SLC17A1: variants seen among roughly 807,000 people sequenced by gnomAD.
SLC17A1 encodes the protein solute carrier family 17 member 1.
In SLC17A1, 51 loss-of-function variants were observed where a neutral mutation model predicts 53.5. That is an observed-to-expected ratio of 0.95 (90% CI 0.76 to 1.20). The LOEUF (loss-of-function observed/expected upper bound fraction) is 1.20. SLC17A1 is among the 50% of genes most tolerant of loss of function. SLC17A1 has a pLI of 0.00. For missense variants in SLC17A1, 538 were observed against 568.2 expected, an observed-to-expected ratio of 0.95 and a Z score of 0.54; for synonymous variants, 179 against 198.8, an observed-to-expected ratio of 0.90 and a Z score of 0.84.
Position 25,819,061 on chromosome 6 carries a change from G to T in SLC17A1, c.616+7C>A. 6.3e-7 allele frequency: 1 copy of T among 1,577,330 alleles called. No individual in the cohort carries two copies. Among genetic ancestry groups the T allele is most frequent in the Non-Finnish European group, 8.6e-7 (1 of 1,164,124 alleles). ...TAATAACTAGGATTTTACAGAAAGA[G>T]ACTCACCAAAAATATAGAAGACCAT... On this transcript the variant is annotated splice_region_variant and intron_variant, in intron 6 of 12. Coordinates refer to ENST00000244527, the MANE Select transcript of SLC17A1 (RefSeq NM_005074.5).
At chr6:25,777,219 C>G in the SLC17A1 span, 1 of 431,526 alleles carries the variant, frequency 2.3e-6, no homozygotes, top group Non-Finnish European at 4.1e-6. Context: ...ACACAAACCT[C>G]TCTCTGTTGA....
At chr6:25,753,424 A>G in the SLC17A1 span, among the ~76,000 whole-genome samples, 4 of 152,170 alleles carry the variant, frequency 2.6e-5, no homozygotes, top group African/African-American at 9.7e-5. Flanking sequence ...CCAGTAAGTA[A>G]CATGATCATA....
At chr6:25,726,235 A>G in the SLC17A1 span, 2 of 1,613,500 alleles carry the variant, frequency 1.2e-6, no homozygotes, top group East Asian at 2.2e-5. Flanking sequence ...CACGCCGCCC[A>G]AAAGCTTATT....
intron 12 of SLC17A1, among the ~76,000 whole-genome samples, chr6:25,793,268 G>A (rs547369525): frequency 2.6e-5 from 4 of 152,174 alleles, no homozygotes; most frequent in African/African-American, 9.6e-5. Flanking sequence ...CCTAGATTAA[G>A]AATCCCTGCT....
At position 25,803,908 on chromosome 6, in the gene SLC17A1, GA is replaced by G. The variant is rs1053399440; in HGVS notation, c.1179-2929del. 7.2e-5 allele frequency among the ~76,000 whole-genome samples: 11 copies of G among 151,958 alleles called. No individual in the cohort carries two copies. The East Asian group carries it at 1.9e-3, about 27-fold the overall frequency. On this transcript the variant is annotated intron_variant, in intron 10 of 12. Coordinates refer to ENST00000244527, the MANE Select transcript of SLC17A1 (RefSeq NM_005074.5). Reference sequence around the variant, plus strand: ...TCTCTTATTAATCCATTTTATGTGTGAAAAAAATCATCAGAGAGAAGGTAAA... The same window carrying G: ...TCTCTTATTAATCCATTTTATGTGTGAAAAAATCATCAGAGAGAAGGTAAA...
chr6:25,746,103 C>A, the SLC17A1 span, among the ~76,000 whole-genome samples: 2 of 152,174 alleles, frequency 1.3e-5, no homozygotes, highest in Admixed American at 6.5e-5. Flanking sequence ...ATGTTTACTG[C>A]AGCTTCAGAT....
rs1353728715 is a variant in SLC17A1 at position 25,811,499 on chromosome 6, A to T, written c.1077T>A (p.Ser359Arg). 7.4e-6 allele frequency: 12 copies of T among 1,614,076 alleles called. No individual in the cohort carries two copies. The highest frequency in any genetic ancestry group is 8.5e-6 in the Non-Finnish European group (10 of 1,179,938). The change falls in exon 10 of 13, where the codon AGT (serine) becomes AGA (arginine). Residue 359 changes from serine (S) to arginine (R), a missense_variant. Transcript: ENST00000244527. ...AIFGVCLPYL[S>R]STFYSIVIFL... ...AAATGACAATGCTGTAGAAGGTGGA[A>T]CTCAGGTAAGGCAGGCAGACACCAA...
chr6:25,773,575 C>A, the SLC17A1 span: 4 of 1,613,938 alleles, frequency 2.5e-6, no homozygotes, highest in Middle Eastern at 1.7e-4. Flanking sequence ...CACTCTGGGC[C>A]ATTTTAGTCT....
intron 10 of SLC17A1, 131 bp from the exon 11 acceptor site, chr6:25,801,111 ATGTT>A: frequency 1.6e-6 from 1 of 622,026 alleles, no homozygotes; most frequent in Admixed American, 2.8e-5. Context: ...TTCCATTAAG[ATGTT>A]AGAAAAAGTA....
the SLC17A1 span, among the ~76,000 whole-genome samples, chr6:25,735,978 G>A: frequency 6.6e-6 from 1 of 152,132 alleles, no homozygotes; most frequent in Admixed American, 6.5e-5. Flanking sequence ...ATATTTATAG[G>A]GTTGCAGGAC....
intron 10 of SLC17A1, 32 bp downstream of exon 10, chr6:25,811,366 A>G (rs1265966507): frequency 6.4e-7 from 1 of 1,571,444 alleles, no homozygotes; most frequent in African/African-American, 1.4e-5. Flanking sequence ...TATTTGTTAA[A>G]GGTTAAAAAA....
Position 25,811,625 on chromosome 6 carries a change from G to A in SLC17A1, c.1030+13C>T. ...TATCTCCCAAGTGCTTAAATGTTCTGGCTGTTGCTTACCTGCTGCTGTGAA... is the reference window on the plus strand; with the variant it reads ...TATCTCCCAAGTGCTTAAATGTTCTAGCTGTTGCTTACCTGCTGCTGTGAA... On this transcript the variant is annotated intron_variant, in intron 9 of 12. Transcript: ENST00000244527. 1.2e-6 allele frequency: 2 copies of A among 1,613,886 alleles called. No individual in the cohort carries two copies. Among genetic ancestry groups the A allele is most frequent in the Non-Finnish European group, 1.7e-6 (2 of 1,179,860 alleles).
intron 2 of SLC17A1, among the ~76,000 whole-genome samples, chr6:25,830,017 C>T (rs1376383783): frequency 2.0e-5 from 3 of 152,084 alleles, no homozygotes; most frequent in African/African-American, 4.8e-5. Flanking sequence ...TACAATCTAT[C>T]GCTCATCTCC....
chr6:25,808,704 T>C (rs188752742), intron 10 of SLC17A1, among the ~76,000 whole-genome samples: 3 of 152,136 alleles, frequency 2.0e-5, no homozygotes, highest in Admixed American at 2.0e-4. Context: ...CACGATGAGA[T>C]AACATCTTGT....
chr6:25,727,404 T>TG, the SLC17A1 span: 1 of 1,008,010 alleles, frequency 9.9e-7, no homozygotes, highest in Non-Finnish European at 1.4e-6. Flanking sequence ...TAAGGGTTTT[T>TG]TTTTTTTTTG....
At chr6:25,761,537 G>C in the SLC17A1 span, among the ~76,000 whole-genome samples, 5 of 152,272 alleles carry the variant, frequency 3.3e-5, no homozygotes, top group East Asian at 9.6e-4. Context: ...ATGTATAGGT[G>C]TTTATAATAG....
the SLC17A1 span, among the ~76,000 whole-genome samples, chr6:25,737,264 T>C: frequency 8.5e-5 from 13 of 152,144 alleles, no homozygotes; most frequent in Admixed American, 3.3e-4. Flanking sequence ...TTTCAGGCTT[T>C]TGCATTTCTG....
chr6:25,796,217 A>C (rs1191106317), intron 12 of SLC17A1, among the ~76,000 whole-genome samples: 1 of 152,168 alleles, frequency 6.6e-6, no homozygotes, highest in Non-Finnish European at 1.5e-5. Context: ...TTGTATTTTT[A>C]AACTGCTGGT....
chr6:25,744,537 T>TTA, the SLC17A1 span, among the ~76,000 whole-genome samples: 1 of 152,198 alleles, frequency 6.6e-6, no homozygotes, highest in African/African-American at 2.4e-5. Context: ...AAAAATTAAA[T>TTA]TATATAAAAT....
Sources: gnomAD v4.1 joint callset for allele counts (sites outside exome capture counted in the v4.1 genomes callset) on GRCh38, gnomAD v4.1.1 for gene constraint, MANE v1.5 for transcripts, NCBI Gene and HGNC (gene_info 2026-07-23, HGNC 2026-07-21) for gene names.